The following SYNE1 variants were observed in gnomAD, a reference collection of about 807,000 sequenced individuals.
The protein encoded by SYNE1 is spectrin repeat containing nuclear envelope protein 1, also known as nesprin-1.
A neutral mutation model predicts 1,111.0 loss-of-function variants in SYNE1; 616 were observed. The observed-to-expected ratio is 0.55, with a 90% CI of 0.52 to 0.59. SYNE1 has a LOEUF of 0.59. SYNE1 is among the 20% of genes least tolerant of loss of function. The pLI, the probability that SYNE1 is intolerant of heterozygous loss-of-function variation, is 0.00. For synonymous variants in SYNE1, 3,855 were observed against 3,825.8 expected, an observed-to-expected ratio of 1.01 and a Z score of -0.28; for missense variants, 10,006 against 10,417.0, an observed-to-expected ratio of 0.96 and a Z score of 1.72.
chr6:152,560,952 A>G (rs1187372461), intron 3 of SYNE1, among the ~76,000 whole-genome samples: 1 of 152,168 alleles, frequency 6.6e-6, no homozygotes, highest in Non-Finnish European at 1.5e-5. Context: ...GCCTACAACT[A>G]ATAGTATAGT....
chr6:152,396,912 C>G lies in SYNE1; in HGVS notation c.7419G>C (p.Leu2473Phe). Residue 2473 changes from leucine (L) to phenylalanine (F), a missense_variant, in exon 50 of 146, where the codon TTG (leucine) becomes TTC (phenylalanine). Leu to Phe is a conservative substitution (Grantham distance 22, BLOSUM62 0). Coordinates refer to ENST00000367255, the MANE Select transcript of SYNE1 (RefSeq NM_182961.4). ...CAATTTGTTTAGACAAATGTGCATA[C>G]AAAGTTTGTCCTTCTTGAGTCACTG... ...LDAVTQEGQTLYAHLSKQIVS... is the reference protein window; with the variant it reads ...LDAVTQEGQTFYAHLSKQIVS... 3 of 1,614,178 alleles carry G rather than the reference C, an allele frequency of 1.9e-6. 1 individual carries two copies. The highest frequency in any genetic ancestry group is 2.2e-5 in the South Asian group (2 of 91,078).
intron 10 of SYNE1, 151 bp from the exon 11 acceptor site, chr6:152,498,943 T>C (rs1014046660): frequency 4.8e-6 from 2 of 418,104 alleles, no homozygotes; most frequent in Non-Finnish European, 8.4e-6. Flanking sequence ...GACATTTTCA[T>C]AGCTTTTGAA....
At chr6:152,630,771 C>T (rs1374479163) in intron 2 of SYNE1, among the ~76,000 whole-genome samples, 1 of 152,192 alleles carries the variant, frequency 6.6e-6, no homozygotes, top group Non-Finnish European at 1.5e-5. Context: ...ACAGTCCCCA[C>T]CTTCAATCAA....
chr6:152,369,982 CAAAAA>C (rs778013525), intron 59 of SYNE1, among the ~76,000 whole-genome samples: 4 of 49,982 alleles, frequency 8.0e-5, no homozygotes, highest in African/African-American at 1.7e-4. Flanking sequence ...GACTCTGTCT[CAAAAA>C]AAAAAAAAAA....
chr6:152,164,591 C>A (rs1395635726), intron 130 of SYNE1, among the ~76,000 whole-genome samples: 8 of 152,172 alleles, frequency 5.3e-5, no homozygotes, highest in Non-Finnish European at 8.8e-5. Flanking sequence ...CCAGTGTGAG[C>A]AAGGTGTGAT....
At chr6:152,396,255 T>C (rs9479309) in intron 50 of SYNE1, among the ~76,000 whole-genome samples, 3 of 152,174 alleles carry the variant, frequency 2.0e-5, no homozygotes, top group Admixed American at 6.5e-5. Flanking sequence ...CCAAGAAAGC[T>C]GGGCAAGAGT....
chr6:152,582,015 A>G (rs930320729), intron 3 of SYNE1, among the ~76,000 whole-genome samples: 33 of 151,968 alleles, frequency 2.2e-4, no homozygotes, highest in African/African-American at 6.0e-4. Context: ...ACTTTTTCCA[A>G]TCTGGCCTCA....
intron 39 of SYNE1, among the ~76,000 whole-genome samples, chr6:152,422,159 CCAGAAAAATCTGTT>C: frequency 6.6e-6 from 1 of 152,202 alleles, no homozygotes; most frequent in Non-Finnish European, 1.5e-5. Context: ...GAACTACAAT[CCAGAAAAATCTGTT>C]CAGATTGCTA....
chr6:152,182,313 G>C (rs977386451), intron 128 of SYNE1, among the ~76,000 whole-genome samples: 4 of 152,268 alleles, frequency 2.6e-5, no homozygotes, highest in African/African-American at 9.6e-5. Context: ...ATATGATTTG[G>C]TAAGAAGGTC....
chr6:152,351,225 A>G (rs2096735371), intron 70 of SYNE1, among the ~76,000 whole-genome samples: 1 of 152,218 alleles, frequency 6.6e-6, no homozygotes, highest in Non-Finnish European at 1.5e-5. Context: ...AAATCTATCA[A>G]GAACTCAGTG....
intron 66 of SYNE1, among the ~76,000 whole-genome samples, chr6:152,357,193 G>T (rs183085831): frequency 6.6e-6 from 1 of 152,286 alleles, no homozygotes; most frequent in African/African-American, 2.4e-5. Context: ...TTACAACTCT[G>T]TGGATGAAAT....
At chr6:152,202,045 A>G in intron 126 of SYNE1, 96 bp from the exon 127 acceptor site, 2 of 1,487,650 alleles carry the variant, frequency 1.3e-6, no homozygotes, top group Non-Finnish European at 1.8e-6. Context: ...TCCCAGAGAA[A>G]GAATGAAAGT....
At chr6:152,310,920 G>GA in intron 87 of SYNE1, 47 bp from the exon 88 acceptor site, 1 of 1,576,136 alleles carries the variant, frequency 6.3e-7, no homozygotes, top group Non-Finnish European at 8.7e-7. Context: ...CAGGTAGAGG[G>GA]ATATAGATAT....
At chr6:152,164,011 C>T (rs2063086502) in intron 131 of SYNE1, 152 bp downstream of exon 131, 3 of 1,023,920 alleles carry the variant, frequency 2.9e-6, no homozygotes, top group Non-Finnish European at 4.5e-6. Flanking sequence ...GCCTCAATCG[C>T]CTGCCTAGGC....
chr6:152,295,687 A>G (rs1347281627), intron 93 of SYNE1, among the ~76,000 whole-genome samples: 1 of 152,012 alleles, frequency 6.6e-6, no homozygotes, highest in African/African-American at 2.4e-5. Flanking sequence ...GCTGTCAAGG[A>G]GATACTGCAA....
chr6:152,226,137 T>C (rs1471651158), intron 115 of SYNE1, among the ~76,000 whole-genome samples: 3 of 152,174 alleles, frequency 2.0e-5, no homozygotes, highest in South Asian at 2.1e-4. Flanking sequence ...AATGGTACTA[T>C]GTAATTTTCT....
intron 128 of SYNE1, among the ~76,000 whole-genome samples, chr6:152,188,618 A>C (rs2070968202): frequency 6.6e-6 from 1 of 152,112 alleles, no homozygotes; most frequent in African/African-American, 2.4e-5. Context: ...ATATCTACCC[A>C]GCAAAATCAC....
intron 55 of SYNE1, among the ~76,000 whole-genome samples, chr6:152,384,918 A>G (rs940049540): frequency 6.6e-6 from 1 of 152,098 alleles, no homozygotes; most frequent in African/African-American, 2.4e-5. Context: ...TGTGGTTACA[A>G]TTGTAACCAT....
rs182282081 is a variant in SYNE1, at chr6:152,622,138, C to T, written c.67+6127G>A. Among the ~76,000 whole-genome samples, 364 of 152,164 alleles carry T rather than the reference C, an allele frequency of 2.4e-3. 4 individuals carry two copies. The highest frequency in any genetic ancestry group is 2.8e-3 in the Non-Finnish European group (188 of 67,988). ...TACTTAAATTTGAGATAATTTTACACAATATTTATGTGGGAAAAGAGAGAT... is the reference window on the plus strand; with the variant it reads ...TACTTAAATTTGAGATAATTTTACATAATATTTATGTGGGAAAAGAGAGAT... On this transcript the variant is annotated intron_variant, in intron 3 of 145. Coordinates refer to ENST00000367255, the MANE Select transcript of SYNE1 (RefSeq NM_182961.4).
Sources: allele counts gnomAD v4.1 joint callset (sites outside exome capture counted in the v4.1 genomes callset), GRCh38; gene constraint gnomAD v4.1.1; transcripts MANE v1.5; gene names NCBI Gene and HGNC (gene_info 2026-07-23, HGNC 2026-07-21).